DHX35: variants seen among roughly 807,000 people sequenced by gnomAD.
DHX35 encodes the protein probable ATP-dependent RNA helicase DHX35.
DHX35 carries 84 observed loss-of-function variants against 99.6 expected under a neutral mutation model. That is an observed-to-expected ratio of 0.84 (90% CI 0.71 to 1.01). The LOEUF (loss-of-function observed/expected upper bound fraction) is 1.01, where lower values mean the gene tolerates loss of function less well. Ranked by LOEUF, DHX35 falls within the 50% of genes least tolerant of loss-of-function variation. The pLI is 0.00. For synonymous variants in DHX35, 331 were observed against 316.2 expected, an observed-to-expected ratio of 1.05 and a Z score of -0.50; for missense variants, 852 against 888.5, an observed-to-expected ratio of 0.96 and a Z score of 0.52.
chr20:38,968,727 A>G lies in DHX35; in HGVS notation c.41-354A>G, dbSNP rs142725734. On this transcript the variant is annotated intron_variant, in intron 1 of 21. Coordinates refer to ENST00000252011, the MANE Select transcript of DHX35 (RefSeq NM_021931.4). The stretch of plus-strand genomic sequence containing the variant: ...CATGCACGCCTGGCTAATTTTTTGT[A>G]TTTTAGTACAGGTGGGGTTTCACCT... Among the ~76,000 whole-genome samples, 244 of 152,068 alleles carry G rather than the reference A, an allele frequency of 1.6e-3. 1 individual carries two copies. The highest frequency in any genetic ancestry group is 5.6e-3 in the African/African-American group (232 of 41,488).
rs575703448 is a variant in DHX35, at chr20:38,986,108, A to G, written c.345+2332A>G. Among the ~76,000 whole-genome samples, 95 of 151,994 alleles carry G rather than the reference A, an allele frequency of 6.3e-4. 1 individual carries two copies. Among genetic ancestry groups the G allele is most frequent in the African/African-American group, 2.2e-3 (92 of 41,448 alleles). ...AATACAACAGTGTCTCGTCTACCTCATGGGCTGTGTGTCTATTTAATGAGA... is the reference window on the plus strand; with the variant it reads ...AATACAACAGTGTCTCGTCTACCTCGTGGGCTGTGTGTCTATTTAATGAGA... On this transcript the variant is annotated intron_variant, in intron 4 of 21. Transcript: ENST00000252011.
intron 18 of DHX35, among the ~76,000 whole-genome samples, chr20:39,025,949 C>T (rs950034470): frequency 3.3e-5 from 5 of 152,174 alleles, no homozygotes; most frequent in Admixed American, 6.5e-5. Flanking sequence ...ATGTTATCCT[C>T]ATTTTACAAT....
chr20:39,017,948 G>T (rs954428110), intron 14 of DHX35, among the ~76,000 whole-genome samples: 3 of 152,226 alleles, frequency 2.0e-5, no homozygotes, highest in Non-Finnish European at 4.4e-5. Context: ...TGGACTCACA[G>T]TTCCACATGG....
intron 13 of DHX35, 68 bp from the exon 14 acceptor site, chr20:39,014,812 A>G: frequency 1.3e-6 from 2 of 1,590,356 alleles, no homozygotes; most frequent in South Asian, 1.1e-5. Context: ...TTTGAAAAGG[A>G]AACAGCCACA....
At chr20:39,022,687 C>G (rs1247984367) in intron 16 of DHX35, among the ~76,000 whole-genome samples, 2 of 152,222 alleles carry the variant, frequency 1.3e-5, no homozygotes, top group East Asian at 1.9e-4. Flanking sequence ...CAGGCTGATT[C>G]TGGGCACCAC....
intron 14 of DHX35, among the ~76,000 whole-genome samples, chr20:39,016,146 C>G (rs1378233571): frequency 2.6e-5 from 4 of 152,100 alleles, no homozygotes; most frequent in Non-Finnish European, 5.9e-5. Context: ...AGGTGGAAAG[C>G]AAAAGGAGAG....
At chr20:38,992,154 A>C (rs981275434) in intron 6 of DHX35, among the ~76,000 whole-genome samples, 14 of 152,236 alleles carry the variant, frequency 9.2e-5, no homozygotes, top group African/African-American at 3.1e-4. Flanking sequence ...ACAATAGTAC[A>C]CTTTTTAAAA....
intron 18 of DHX35, among the ~76,000 whole-genome samples, chr20:39,026,142 A>G (rs1234527407): frequency 6.6e-6 from 1 of 152,218 alleles, no homozygotes; most frequent in East Asian, 1.9e-4. Context: ...CACCATTAGT[A>G]CTTGGTAACA....
At position 39,025,337 on chromosome 20, in the gene DHX35, A is replaced by G. The variant is rs773574617; in HGVS notation, c.1779A>G (p.Gln593=). The G allele has an allele frequency of 5.6e-6, 9 of 1,613,848 alleles. No individual in the cohort carries two copies. In the South Asian group the frequency reaches 8.8e-5, roughly 16 times the overall value. The change falls in exon 18 of 22, where the codon CAA becomes CAG. Residue 593 remains glutamine (Q), a synonymous_variant. Transcript: ENST00000252011. ...EQLKKLLVKF[Q]VPRKSSEGDP... ...TGAAAAAGCTTCTTGTCAAGTTTCA[A>G]GTGCCCAGGAAGTCTAGTGAAGGTG...
At chr20:38,986,114 T>C (rs1305607451) in intron 4 of DHX35, among the ~76,000 whole-genome samples, 1 of 152,162 alleles carries the variant, frequency 6.6e-6, no homozygotes, top group Non-Finnish European at 1.5e-5. Context: ...CCTCATGGGC[T>C]GTGTGTCTAT....
At chr20:39,004,293 C>G (rs2086576542) in intron 11 of DHX35, among the ~76,000 whole-genome samples, 1 of 152,174 alleles carries the variant, frequency 6.6e-6, no homozygotes, top group Non-Finnish European at 1.5e-5. Context: ...TCTCGATCTC[C>G]TGACCTTGTG....
At chr20:39,009,538 G>A (rs896244791) in intron 12 of DHX35, among the ~76,000 whole-genome samples, 3 of 152,034 alleles carry the variant, frequency 2.0e-5, no homozygotes, top group African/African-American at 7.2e-5. Context: ...GGTGGGTGGA[G>A]CATTCTCTAT....
At chr20:39,023,622 G>A in intron 16 of DHX35, 68 bp from the exon 17 acceptor site, 1 of 1,469,660 alleles carries the variant, frequency 6.8e-7, no homozygotes, top group Non-Finnish European at 9.5e-7. Context: ...CCAAATGCTG[G>A]GATTATAGGT....
chr20:39,012,818 A>G (rs1568747736), intron 13 of DHX35, among the ~76,000 whole-genome samples: 1 of 152,248 alleles, frequency 6.6e-6, no homozygotes, highest in Non-Finnish European at 1.5e-5. Context: ...GGTGTGAGCC[A>G]CTGTGCGCAG....
At chr20:38,994,556 A>G (rs1292131714) in intron 7 of DHX35, among the ~76,000 whole-genome samples, 2 of 151,334 alleles carry the variant, frequency 1.3e-5, no homozygotes, top group South Asian at 4.2e-4. Flanking sequence ...AAGCTTCTTT[A>G]TAGTTTTTAT....
intron 14 of DHX35, 62 bp downstream of exon 14, chr20:39,014,996 G>C (rs529565275): frequency 1.9e-6 from 3 of 1,581,376 alleles, no homozygotes; most frequent in Non-Finnish European, 2.6e-6. Context: ...TATTAGTGAG[G>C]TCATATTCAC....
At chr20:38,987,142 G>T (rs1158512460) in intron 4 of DHX35, among the ~76,000 whole-genome samples, 2 of 152,224 alleles carry the variant, frequency 1.3e-5, no homozygotes, top group Non-Finnish European at 2.9e-5. Flanking sequence ...CTTCTGTGGG[G>T]ATTGGTGTGC....
rs565686161 is a variant in DHX35, at chr20:39,003,122, G to A, written c.852+254G>A. Among the ~76,000 whole-genome samples, 4 of 152,238 alleles carry A rather than the reference G, an allele frequency of 2.6e-5. No homozygotes were observed. The South Asian group carries it at 8.3e-4, about 32-fold the overall frequency. On this transcript the variant is annotated intron_variant, in intron 10 of 21. Coordinates refer to ENST00000252011, the MANE Select transcript of DHX35 (RefSeq NM_021931.4). ...ATTAGCTGATTCCAAAATAAACTAG[G>A]TAGTTGAGTGAGGGCTATTTTGTTT...
chr20:38,988,601 G>T (rs1473153203), intron 4 of DHX35, among the ~76,000 whole-genome samples: 1 of 152,138 alleles, frequency 6.6e-6, no homozygotes, highest in Non-Finnish European at 1.5e-5. Flanking sequence ...CTGCCCTCCA[G>T]CCTGGGTGAC....
Sources: allele counts gnomAD v4.1 joint callset (sites outside exome capture counted in the v4.1 genomes callset), GRCh38; gene constraint gnomAD v4.1.1; transcripts MANE v1.5; gene names NCBI Gene and HGNC (gene_info 2026-07-23, HGNC 2026-07-21).